Variants in CCSER1 observed in about 807,000 individuals in gnomAD.
The protein encoded by CCSER1 is coiled-coil serine rich protein 1.
A neutral mutation model predicts 82.0 loss-of-function variants in CCSER1; 41 were observed. The ratio of observed to expected loss-of-function variants is 0.50; its 90% CI spans 0.39 to 0.65. The LOEUF (loss-of-function observed/expected upper bound fraction) is 0.65. Ranked by LOEUF, CCSER1 falls within the 30% of genes least tolerant of loss-of-function variation. The pLI, the probability that CCSER1 is intolerant of heterozygous loss-of-function variation, is 0.00. For synonymous variants in CCSER1, 414 were observed against 383.9 expected (o/e 1.08, Z -0.92); for missense variants, 1,119 against 1,064.2 (o/e 1.05, Z -0.72).
chr4:91,423,996 C>A (rs1034742185), intron 10 of CCSER1, among the ~76,000 whole-genome samples: 3 of 132,344 alleles, frequency 2.3e-5, no homozygotes, highest in South Asian at 2.5e-4. Context: ...AAGAACTCAG[C>A]AGATCTTTTT....
intron 10 of CCSER1, among the ~76,000 whole-genome samples, chr4:91,306,500 C>T (rs1339029631): frequency 6.6e-6 from 1 of 151,986 alleles, no homozygotes; most frequent in African/African-American, 2.4e-5. Flanking sequence ...CTATACTTGT[C>T]AGCTTCCCTT....
intron 5 of CCSER1, among the ~76,000 whole-genome samples, chr4:90,527,783 T>C (rs543154641): frequency 6.6e-6 from 1 of 152,134 alleles, no homozygotes; most frequent in African/African-American, 2.4e-5. Context: ...CTGCCTTTTA[T>C]GAATTTTAAA....
chr4:91,466,665 A>T (rs1387032865), intron 10 of CCSER1, among the ~76,000 whole-genome samples: 1 of 152,240 alleles, frequency 6.6e-6, no homozygotes. Context: ...GTCTCAGGAT[A>T]CAAAATCAAT....
At chr4:90,444,265 A>T (rs557086160) in intron 4 of CCSER1, among the ~76,000 whole-genome samples, 1 of 152,170 alleles carries the variant, frequency 6.6e-6, no homozygotes, top group Non-Finnish European at 1.5e-5. Context: ...CAGAGAGAGC[A>T]TTCTTCATGC....
At chr4:90,158,314 C>T (rs1463434958) in intron 1 of CCSER1, among the ~76,000 whole-genome samples, 14 of 152,254 alleles carry the variant, frequency 9.2e-5, no homozygotes, top group Admixed American at 5.9e-4. Flanking sequence ...TTAGGCTGCT[C>T]GGGGGTCAGG....
intron 3 of CCSER1, among the ~76,000 whole-genome samples, chr4:90,335,342 A>G (rs923695114): frequency 1.3e-5 from 2 of 152,212 alleles, no homozygotes; most frequent in Non-Finnish European, 2.9e-5. Context: ...AGTGAACTTA[A>G]AGATGACAGA....
At chr4:90,470,829 C>G (rs75066447) in intron 5 of CCSER1, among the ~76,000 whole-genome samples, 2,249 of 148,296 alleles carry the variant, frequency 0.015, 33 homozygotes, top group African/African-American at 0.045. Context: ...GACTAGCTTG[C>G]CTTGTTTGAC....
chr4:90,907,621 T>C (rs1250542245), intron 8 of CCSER1, among the ~76,000 whole-genome samples: 4 of 152,152 alleles, frequency 2.6e-5, no homozygotes, highest in Non-Finnish European at 5.9e-5. Flanking sequence ...AAAGAAATTC[T>C]AATCTGCGTA....
intron 10 of CCSER1, among the ~76,000 whole-genome samples, chr4:91,375,798 T>C (rs1011358322): frequency 2.0e-5 from 3 of 152,044 alleles, no homozygotes; most frequent in African/African-American, 7.2e-5. Flanking sequence ...TTAATACTGG[T>C]ACAAAACCAA....
intron 9 of CCSER1, among the ~76,000 whole-genome samples, chr4:91,005,784 G>A (rs1200890993): frequency 2.0e-5 from 3 of 152,128 alleles, no homozygotes; most frequent in Non-Finnish European, 2.9e-5. Context: ...TCATTCTTAT[G>A]AATGTGGATA....
chr4:91,482,816 C>G (rs937988767), intron 10 of CCSER1, among the ~76,000 whole-genome samples: 1 of 152,080 alleles, frequency 6.6e-6, no homozygotes, highest in African/African-American at 2.4e-5. Context: ...AAGCTGGAAA[C>G]CGTCATTCTC....
intron 10 of CCSER1, among the ~76,000 whole-genome samples, chr4:91,115,469 G>T (rs1339223741): frequency 6.6e-6 from 1 of 152,104 alleles, no homozygotes; most frequent in Middle Eastern, 3.4e-3. Flanking sequence ...TGGGACTACA[G>T]GTGTGCGCCA....
At chr4:91,172,128 A>G (rs1384108266) in intron 10 of CCSER1, among the ~76,000 whole-genome samples, 1 of 152,202 alleles carries the variant, frequency 6.6e-6, no homozygotes, top group Non-Finnish European at 1.5e-5. Flanking sequence ...ATGATATAAG[A>G]AAACCTATGA....
chr4:90,624,018 GTTA>G (rs1722846548), intron 5 of CCSER1, among the ~76,000 whole-genome samples: 1 of 152,148 alleles, frequency 6.6e-6, no homozygotes, highest in African/African-American at 2.4e-5. Flanking sequence ...GTTTTTAAAA[GTTA>G]TTATTTTCTG....
intron 10 of CCSER1, among the ~76,000 whole-genome samples, chr4:91,193,370 T>C (rs182330197): frequency 4.1e-4 from 63 of 152,310 alleles, no homozygotes; most frequent in African/African-American, 1.4e-3. Flanking sequence ...ATTAACTTTG[T>C]TCCTGTTCAT....
chr4:90,263,213 C>T (rs1202223742), intron 1 of CCSER1, among the ~76,000 whole-genome samples: 1 of 152,196 alleles, frequency 6.6e-6, no homozygotes, highest in Non-Finnish European at 1.5e-5. Context: ...AAGTGGCATT[C>T]TCCCTCTTCC....
chr4:90,423,338 G>A (rs540121971), intron 4 of CCSER1, among the ~76,000 whole-genome samples: 95 of 152,168 alleles, frequency 6.2e-4, no homozygotes, highest in African/African-American at 2.2e-3. Flanking sequence ...CGATTCCCCT[G>A]CCTCAGCCTC....
intron 1 of CCSER1, among the ~76,000 whole-genome samples, chr4:90,135,114 C>A (rs191487743): frequency 1.3e-5 from 2 of 152,228 alleles, no homozygotes; most frequent in Admixed American, 1.3e-4. Flanking sequence ...GCTCCTGATT[C>A]GGAAGCATTC....
At chr4:90,596,340 A>G (rs1409481118) in intron 5 of CCSER1, among the ~76,000 whole-genome samples, 1 of 151,900 alleles carries the variant, frequency 6.6e-6, no homozygotes, top group Non-Finnish European at 1.5e-5. Flanking sequence ...ATGCTTTTTC[A>G]TGGTCTGTTC....
Sources: allele counts gnomAD v4.1 joint callset (sites outside exome capture counted in the v4.1 genomes callset), GRCh38; gene constraint gnomAD v4.1.1; transcripts MANE v1.5; gene names NCBI Gene and HGNC (gene_info 2026-07-23, HGNC 2026-07-21).